CLASRP: variants seen among roughly 807,000 people sequenced by gnomAD.
The protein encoded by CLASRP is CLK4 associating serine/arginine rich protein, also known as CLK4-associating serine/arginine rich protein.
In CLASRP, 52 loss-of-function variants were observed where a neutral mutation model predicts 99.9. That is an observed-to-expected ratio of 0.52 (90% CI 0.42 to 0.66). The LOEUF (loss-of-function observed/expected upper bound fraction) is 0.66, where lower values mean the gene tolerates loss of function less well. CLASRP is among the 30% of genes least tolerant of loss of function. The pLI is 0.00. For synonymous variants in CLASRP, 379 were observed against 373.0 expected (o/e 1.02, Z -0.18); for missense variants, 848 against 999.2 (o/e 0.85, Z 2.04).
intron 2 of CLASRP, among the ~76,000 whole-genome samples, chr19:45,046,759 A>T (rs1305850421): frequency 6.6e-6 from 1 of 152,216 alleles, no homozygotes; most frequent in African/African-American, 2.4e-5. Flanking sequence ...CGGGCGCGGT[A>T]GCTCACGCCT....
chr19:45,064,966 C>T (rs1390222090), intron 13 of CLASRP, among the ~76,000 whole-genome samples: 1 of 152,002 alleles, frequency 6.6e-6, no homozygotes, highest in Non-Finnish European at 1.5e-5. Flanking sequence ...AGCGCATGGA[C>T]GCTCCAGGGT....
Position 45,067,473 on chromosome 19 carries a change from C to T in CLASRP, c.1546C>T (p.Pro516Ser), listed in dbSNP as rs1484700108. ...CCTGACTCGCAGCCGCAGCCATAGC[C>T]CCAGCCCCAGCCAGAGCCGCAGCCG... ...RSLTRSRSHSPSPSQSRSRSR... is the reference protein window; with the variant it reads ...RSLTRSRSHSSSPSQSRSRSR... Residue 516 changes from proline (P) to serine (S), a missense_variant, in exon 14 of 21, where the codon CCC becomes TCC. By Grantham distance (74) the Pro-to-Ser change is moderately conservative. Around this residue, in one of 8 missense-constraint regions of CLASRP, gnomAD observed 489 missense variants for 434.7 expected, o/e 1.12. Coordinates refer to ENST00000221455, the MANE Select transcript of CLASRP (RefSeq NM_007056.3). This position sits in a 1 kb window ranked among gnomAD's most constrained non-coding sequence, Gnocchi z 4.9. 1 of 1,562,092 alleles carries T rather than the reference C, an allele frequency of 6.4e-7. No individual in the cohort carries two copies. Among genetic ancestry groups the T allele is most frequent in the Non-Finnish European group, 8.6e-7 (1 of 1,159,042 alleles).
intron 2 of CLASRP, among the ~76,000 whole-genome samples, chr19:45,051,829 A>T (rs1972028855): frequency 1.3e-5 from 2 of 152,074 alleles, no homozygotes; most frequent in South Asian, 4.1e-4. Context: ...TTAGTCGGGC[A>T]TGGTGGCGGG....
intron 8 of CLASRP, among the ~76,000 whole-genome samples, 164 bp downstream of exon 8, chr19:45,059,528 C>T (rs1420886113): frequency 2.6e-5 from 4 of 152,142 alleles, no homozygotes; most frequent in African/African-American, 9.7e-5. Context: ...GTGGTCGTGG[C>T]CCCACTTCAT....
In CLASRP at chr19:45,068,238, G is replaced by T. The variant is rs547284390; in HGVS notation, c.1708-182G>T. ...CCTCTCCCCTCCTCACTGTACACTGGGGCTCCACCTGTCACTGAACCTCTG... is the reference window on the plus strand; with the variant it reads ...CCTCTCCCCTCCTCACTGTACACTGTGGCTCCACCTGTCACTGAACCTCTG... On this transcript the variant is annotated intron_variant, in intron 15 of 20. Coordinates refer to ENST00000221455, the MANE Select transcript of CLASRP (RefSeq NM_007056.3). 6.0e-6 allele frequency: 4 copies of T among 665,846 alleles called. No individual in the cohort carries two copies. The African/African-American group carries it at 7.1e-5, about 12-fold the overall frequency. The allele number at this position is 665,846 out of a possible 1,614,324, so 41.2% of individuals were successfully genotyped here.
At chr19:45,064,261 C>G in intron 12 of CLASRP, 34 bp downstream of exon 12, 14 of 1,546,364 alleles carry the variant, frequency 9.1e-6, no homozygotes, top group South Asian at 1.2e-5. Context: ...CCCTACGCCC[C>G]GGTCACCATG....
chr19:45,049,627 G>C (rs1487504608), intron 2 of CLASRP, among the ~76,000 whole-genome samples: 1 of 152,254 alleles, frequency 6.6e-6, no homozygotes, highest in Non-Finnish European at 1.5e-5. Context: ...GATGGAGACA[G>C]AGTGAGGATG....
Position 45,056,471 on chromosome 19 carries a change from A to G in CLASRP, c.401A>G (p.Tyr134Cys). 6.2e-7 allele frequency: 1 copy of G among 1,613,754 alleles called. No homozygotes were observed. Among genetic ancestry groups the G allele is most frequent in the Non-Finnish European group, 8.5e-7 (1 of 1,179,866 alleles). ...FAGISEEQCL[Y>C]QIYIDELYGG... ...GCAGTCTCAGAGGAGCAGTGCCTGT[A>G]CCAGATCTACATTGATGAGTTGTAC... Residue 134 changes from tyrosine (Y) to cysteine (C), a missense_variant, in exon 6 of 21, where the codon TAC becomes TGC. Coordinates refer to ENST00000221455, the MANE Select transcript of CLASRP (RefSeq NM_007056.3).
In CLASRP at chr19:45,067,954, CAG is replaced by C; in HGVS notation, c.1668-58_1668-57del. ...CTGAGGGCAGTGCTGAGGCTGGGGTCAGAGGTGGCAGCTGCCCTTTCCCCCTC... is the reference window on the plus strand; with the variant it reads ...CTGAGGGCAGTGCTGAGGCTGGGGTCAGGTGGCAGCTGCCCTTTCCCCCTC... On this transcript the variant is annotated intron_variant, in intron 14 of 20. Coordinates refer to ENST00000221455, the MANE Select transcript of CLASRP (RefSeq NM_007056.3). The surrounding 1 kb of genome is among the most constrained non-coding windows in gnomAD (Gnocchi z 4.9). 1 of 1,252,262 alleles carries C rather than the reference CAG, an allele frequency of 8.0e-7. No individual in the cohort carries two copies. Among genetic ancestry groups the C allele is most frequent in the Admixed American group, 1.7e-5 (1 of 59,480 alleles). The allele number at this position is 1,252,262 out of a possible 1,614,324, so 77.6% of individuals were successfully genotyped here. A position where few individuals can be genotyped will look rare whatever the true frequency, so the allele number is the denominator to read the frequency against.
At chr19:45,048,475 G>A (rs137982814) in intron 2 of CLASRP, among the ~76,000 whole-genome samples, 2,557 of 151,362 alleles carry the variant, frequency 0.017, 69 homozygotes, top group African/African-American at 0.057. Context: ...GCAGTGAGCC[G>A]AGATCATGCC....
At chr19:45,058,009 T>A in intron 7 of CLASRP, 111 bp downstream of exon 7, 1 of 1,395,648 alleles carries the variant, frequency 7.2e-7, no homozygotes, top group African/African-American at 1.4e-5. Flanking sequence ...TCTCTCTCCC[T>A]ACCCCGCCCC....
intron 2 of CLASRP, among the ~76,000 whole-genome samples, chr19:45,046,755 C>A (rs62117257): frequency 2.0e-5 from 3 of 152,182 alleles, no homozygotes; most frequent in Non-Finnish European, 4.4e-5. Flanking sequence ...GGGCCGGGCG[C>A]GGTAGCTCAC....
chr19:45,062,162 G>T lies in CLASRP; in HGVS notation c.872G>T (p.Arg291Leu). ...CATTCTTTTCTCTGTAGCTATGCCC[G>T]CCGAGACAGCCCCACCTATGACCCC... The part of the protein sequence containing the change: ...GRKISPPSYA[R>L]RDSPTYDPYK... The change falls in exon 11 of 21, where the codon CGC (arginine) becomes CTC (leucine). Residue 291 changes from arginine (R) to leucine (L), a missense_variant. Arg to Leu is a moderately radical substitution (Grantham distance 102, BLOSUM62 -2). Transcript: ENST00000221455. 1 of 1,544,220 alleles carries T rather than the reference G, an allele frequency of 6.5e-7. No individual in the cohort carries two copies. Among genetic ancestry groups the T allele is most frequent in the Non-Finnish European group, 9.0e-7 (1 of 1,116,632 alleles).
At chr19:45,064,267 C>T (rs1687454401) in intron 12 of CLASRP, 40 bp downstream of exon 12, 1 of 1,538,812 alleles carries the variant, frequency 6.5e-7, no homozygotes, top group Non-Finnish European at 8.7e-7. Flanking sequence ...GCCCCGGTCA[C>T]CATGGGGGGT....
At chr19:45,062,673 G>A (rs1004161544) in intron 11 of CLASRP, among the ~76,000 whole-genome samples, 6 of 152,078 alleles carry the variant, frequency 3.9e-5, no homozygotes, top group South Asian at 2.1e-4. Flanking sequence ...GAGCCACCAC[G>A]CCCGGCCAAT....
At position 45,067,911 on chromosome 19, in the gene CLASRP, A is replaced by C. The variant is rs1457648121; in HGVS notation, c.1668-104A>C. On this transcript the variant is annotated intron_variant, in intron 14 of 20. Coordinates refer to ENST00000221455, the MANE Select transcript of CLASRP (RefSeq NM_007056.3). This position sits in a 1 kb window ranked among gnomAD's most constrained non-coding sequence, Gnocchi z 4.9. ...TTGCACCCTGGGGCATCTGAGGCCC[A>C]TGCCTTGGCTACCTGGTCTGAGGGC... is the stretch of plus-strand genomic sequence containing the variant. 2.3e-6 allele frequency: 2 copies of C among 887,294 alleles called. No individual in the cohort carries two copies. The highest frequency in any genetic ancestry group is 3.8e-6 in the Non-Finnish European group (2 of 526,052). The allele number at this position is 887,294 out of a possible 1,614,324, so 55.0% of individuals were successfully genotyped here.
At chr19:45,068,863 C>T (rs1473394868) in intron 16 of CLASRP, among the ~76,000 whole-genome samples, 1 of 152,044 alleles carries the variant, frequency 6.6e-6, no homozygotes, top group African/African-American at 2.4e-5. Flanking sequence ...TGTTGGTGGG[C>T]GCCTGTAGTC....
At chr19:45,065,383 C>T (rs982068642) in intron 13 of CLASRP, among the ~76,000 whole-genome samples, 1 of 132,678 alleles carries the variant, frequency 7.5e-6, no homozygotes, top group African/African-American at 2.9e-5. Context: ...AGTGAGATTC[C>T]GTCTCAAAAA....
At chr19:45,042,179 T>A (rs1359976374) in intron 2 of CLASRP, among the ~76,000 whole-genome samples, 1 of 152,080 alleles carries the variant, frequency 6.6e-6, no homozygotes, top group Non-Finnish European at 1.5e-5. Context: ...TCGTCTCTAC[T>A]AAAAATACAG....
Sources: gnomAD v4.1 joint callset for allele counts (sites outside exome capture counted in the v4.1 genomes callset) on GRCh38, gnomAD v4.1.1 for gene constraint, gnomAD v4.1.1 regional missense constraint, Gnocchi (gnomAD v3.1) non-coding constraint, MANE v1.5 for transcripts, NCBI Gene and HGNC (gene_info 2026-07-23, HGNC 2026-07-21) for gene names.